Variants in AP4E1 observed in about 807,000 individuals in gnomAD.
The protein encoded by AP4E1 is adaptor related protein complex 4 subunit epsilon 1.
A neutral mutation model predicts 128.2 loss-of-function variants in AP4E1; 56 were observed. The ratio of observed to expected loss-of-function variants is 0.44; its 90% CI spans 0.35 to 0.55. The LOEUF is 0.55. Among genes scored for constraint, AP4E1 ranks in the 20% least tolerant of loss-of-function variants. The pLI is 0.00. For missense variants in AP4E1, 1,324 were observed against 1,307.7 expected (o/e 1.01, Z -0.19); for synonymous variants, 484 against 473.1 (o/e 1.02, Z -0.30).
intron 7 of AP4E1, among the ~76,000 whole-genome samples, chr15:50,932,197 T>G (rs963061212): frequency 1.3e-5 from 2 of 152,180 alleles, no homozygotes; most frequent in African/African-American, 4.8e-5. Flanking sequence ...CAGGCTGGTC[T>G]CGAGCTCCTG....
At chr15:50,995,614 G>A (rs1201229497) in intron 17 of AP4E1, among the ~76,000 whole-genome samples, 2 of 152,054 alleles carry the variant, frequency 1.3e-5, no homozygotes, top group East Asian at 1.9e-4. Context: ...TCAAACTCCC[G>A]ACTTCAAGTG....
intron 15 of AP4E1, among the ~76,000 whole-genome samples, chr15:50,980,055 G>C (rs1434372089): frequency 6.6e-6 from 1 of 152,182 alleles, no homozygotes; most frequent in African/African-American, 2.4e-5. Context: ...CTGAGAAGAA[G>C]AGAGGAGAGC....
rs149654266 is a variant in AP4E1, at chr15:50,927,890, T to C, written c.543-1119T>C. ...AAGTAAATACTTCACTTTTGTGATG[T>C]TTGCTGCTGTTCTGAGCACTGCCAG... is the stretch of plus-strand genomic sequence containing the variant. On this transcript the variant is annotated intron_variant, in intron 5 of 20. Transcript: ENST00000261842. 3.8e-3 allele frequency among the ~76,000 whole-genome samples: 580 copies of C among 152,290 alleles called. 5 individuals carry two copies. The highest frequency in any genetic ancestry group is 0.014 in the African/African-American group (563 of 41,558).
chr15:50,921,426 G>A, intron 3 of AP4E1, among the ~76,000 whole-genome samples: 1 of 151,606 alleles, frequency 6.6e-6, no homozygotes, highest in East Asian at 1.9e-4. Context: ...TTGGTTCACT[G>A]AAACCTTTGC....
chr15:50,925,580 T>C (rs998156470), intron 5 of AP4E1, among the ~76,000 whole-genome samples: 1 of 151,828 alleles, frequency 6.6e-6, no homozygotes, highest in Non-Finnish European at 1.5e-5. Context: ...GAAAAACATA[T>C]GGAAATTGTG....
intron 2 of AP4E1, 128 bp downstream of exon 2, chr15:50,912,277 G>T (rs879202686): frequency 5.2e-5 from 46 of 884,704 alleles, no homozygotes; most frequent in South Asian, 3.9e-4. Context: ...AATTATAGTT[G>T]GTAGCAACTC....
intron 3 of AP4E1, among the ~76,000 whole-genome samples, chr15:50,923,160 T>G (rs1250461308): frequency 6.6e-6 from 1 of 152,180 alleles, no homozygotes; most frequent in African/African-American, 2.4e-5. Context: ...ATAAAGTACT[T>G]GACCCATAGT....
At chr15:50,939,585 A>G (rs1429017501) in intron 8 of AP4E1, among the ~76,000 whole-genome samples, 2 of 152,178 alleles carry the variant, frequency 1.3e-5, no homozygotes, top group South Asian at 2.1e-4. Flanking sequence ...TTAAAAATCA[A>G]TTTAATTCAT....
At chr15:50,931,723 G>A (rs948391790) in intron 7 of AP4E1, among the ~76,000 whole-genome samples, 2 of 151,978 alleles carry the variant, frequency 1.3e-5, no homozygotes, top group Non-Finnish European at 2.9e-5. Context: ...TCTCAAATCG[G>A]CACATCATGA....
intron 2 of AP4E1, among the ~76,000 whole-genome samples, chr15:50,912,788 G>A (rs550169004): frequency 1.4e-3 from 218 of 151,842 alleles, no homozygotes; most frequent in African/African-American, 5.1e-3. Flanking sequence ...TCAGCCTCCT[G>A]AGTAACTGGG....
rs9888677 is a variant in AP4E1 at position 50,978,685 on chromosome 15, C to A, written c.1967-5337C>A. Among the ~76,000 whole-genome samples, 760 of 152,286 alleles carry A rather than the reference C, an allele frequency of 5.0e-3. 11 individuals are homozygous for A. Among genetic ancestry groups the A allele is most frequent in the African/African-American group, 0.018 (735 of 41,562 alleles). ...TTATGTTTTCTCTTCTGGTGAATTGCCCTCATTCTTCATCTGGCTAAATTC... is the reference window on the plus strand; with the variant it reads ...TTATGTTTTCTCTTCTGGTGAATTGACCTCATTCTTCATCTGGCTAAATTC... On this transcript the variant is annotated intron_variant, in intron 15 of 20. Transcript: ENST00000261842.
At chr15:50,973,282 A>G (rs891581519) in intron 15 of AP4E1, among the ~76,000 whole-genome samples, 1 of 152,224 alleles carries the variant, frequency 6.6e-6, no homozygotes, top group African/African-American at 2.4e-5. Flanking sequence ...TAAGACAACA[A>G]CTAAACTGTT....
chr15:50,933,733 T>A (rs2063866498), intron 7 of AP4E1, among the ~76,000 whole-genome samples: 2 of 152,160 alleles, frequency 1.3e-5, no homozygotes, highest in Non-Finnish European at 2.9e-5. Context: ...GTACATGCAC[T>A]TAACATTGAA....
intron 13 of AP4E1, 80 bp downstream of exon 13, chr15:50,950,249 C>G (rs965047221): frequency 9.8e-7 from 1 of 1,023,716 alleles, no homozygotes; most frequent in South Asian, 1.5e-5. Flanking sequence ...CTTCAGAAAC[C>G]ATTCGCTTTA....
upstream of AP4E1, chr15:50,908,587 C>G: frequency 1.5e-6 from 1 of 658,646 alleles, no homozygotes; most frequent in Non-Finnish European, 2.3e-6. Flanking sequence ...TTTCCACCCC[C>G]GCGGTCTCTT....
chr15:50,988,464 G>A (rs544746487), intron 16 of AP4E1, among the ~76,000 whole-genome samples: 28 of 151,980 alleles, frequency 1.8e-4, no homozygotes, highest in Non-Finnish European at 3.2e-4. Flanking sequence ...ACAGGCTCCT[G>A]CCACCATACC....
chr15:50,932,713 T>C (rs756222371), intron 7 of AP4E1, among the ~76,000 whole-genome samples: 71 of 152,350 alleles, frequency 4.7e-4, no homozygotes, highest in Middle Eastern at 3.4e-3. Context: ...AGAATCCATT[T>C]GCCTGTGAGC....
chr15:50,973,769 G>T (rs1475142690), intron 15 of AP4E1, among the ~76,000 whole-genome samples: 1 of 152,094 alleles, frequency 6.6e-6, no homozygotes, highest in Admixed American at 6.5e-5. Context: ...AAGTTTAATA[G>T]TATTCCATTG....
At chr15:51,002,416 T>G in intron 20 of AP4E1, 86 bp from the exon 21 acceptor site, 4 of 1,421,154 alleles carry the variant, frequency 2.8e-6, no homozygotes, top group Non-Finnish European at 4.0e-6. Context: ...TTTCATGTGC[T>G]TATTAGCCAT....
Sources: gnomAD v4.1 joint callset for allele counts (sites outside exome capture counted in the v4.1 genomes callset) on GRCh38, gnomAD v4.1.1 for gene constraint, MANE v1.5 for transcripts, NCBI Gene and HGNC (gene_info 2026-07-23, HGNC 2026-07-21) for gene names.